The following LRRC4C variants were observed in gnomAD, a reference collection of about 807,000 sequenced individuals.
LRRC4C encodes leucine-rich repeat-containing protein 4C.
Under a neutral mutation model 33.6 loss-of-function variants are expected in LRRC4C, and 5 were observed. The ratio of observed to expected loss-of-function variants is 0.15; its 90% CI spans 0.08 to 0.31. The LOEUF is 0.31. LRRC4C is among the 10% of genes least tolerant of loss of function. The pLI is 1.00. For missense variants in LRRC4C, 560 were observed against 796.7 expected (o/e 0.70, Z 3.58); for synonymous variants, 329 against 302.0 (o/e 1.09, Z -0.93).
intron 2 of LRRC4C, among the ~76,000 whole-genome samples, chr11:40,846,739 T>A (rs572070664): frequency 6.6e-6 from 1 of 152,332 alleles, no homozygotes; most frequent in African/African-American, 2.4e-5. Flanking sequence ...ATCTATAAAT[T>A]ACTTTGGGCA....
intron 4 of LRRC4C, among the ~76,000 whole-genome samples, chr11:40,314,599 C>T (rs1945483386): frequency 6.6e-6 from 1 of 152,094 alleles, no homozygotes; most frequent in Non-Finnish European, 1.5e-5. Flanking sequence ...TCTACATTCC[C>T]TTGCTTATTG....
In LRRC4C at chr11:40,580,058, G is replaced by GGTGTGT. The variant is rs72110597; in HGVS notation, c.-270+68078_-270+68083dup. On this transcript the variant is annotated intron_variant, in intron 3 of 6. Coordinates refer to ENST00000528697, the MANE Select transcript of LRRC4C (RefSeq NM_001258419.2). ...CTGTTTTGTTCAAGGGTACTTTTCA[G>GGTGTGT]GTGTGTGTGTGTGTGTGTGTGTGTG... is the stretch of plus-strand genomic sequence containing the variant. 7.7e-3 allele frequency among the ~76,000 whole-genome samples: 1,125 copies of GGTGTGT among 145,496 alleles called. 20 individuals are homozygous for GGTGTGT. The highest frequency in any genetic ancestry group is 0.025 in the African/African-American group (981 of 38,936).
intron 1 of LRRC4C, among the ~76,000 whole-genome samples, chr11:41,438,074 A>AAATAAT (rs1555171639): frequency 7.2e-5 from 5 of 69,246 alleles, no homozygotes; most frequent in South Asian, 3.8e-4. Flanking sequence ...AATAAATAAT[A>AAATAAT]AAAAAAAATA....
At chr11:40,987,659 T>TC (rs1853140904) in intron 1 of LRRC4C, among the ~76,000 whole-genome samples, 1 of 32,356 alleles carries the variant, frequency 3.1e-5, no homozygotes, top group African/African-American at 1.1e-4. Flanking sequence ...ATATCTCATA[T>TC]ATATGAGATA....
chr11:40,505,535 C>T (rs1035364943), intron 3 of LRRC4C, among the ~76,000 whole-genome samples: 4 of 152,166 alleles, frequency 2.6e-5, no homozygotes, highest in African/African-American at 9.7e-5. Flanking sequence ...TGAACACCCA[C>T]CTCAGTGAAG....
chr11:40,327,360 C>T (rs1392569108), intron 3 of LRRC4C, among the ~76,000 whole-genome samples: 1 of 152,060 alleles, frequency 6.6e-6, no homozygotes, highest in Non-Finnish European at 1.5e-5. Context: ...AATGGGAAAT[C>T]TCAGTGTTTC....
rs184461863 is a variant in LRRC4C, at chr11:40,646,501, C to T, written c.-270+1641G>A. Among the ~76,000 whole-genome samples the T allele has an allele frequency of 3.8e-4, 58 of 152,180 alleles. 1 individual carries two copies. Among genetic ancestry groups the T allele is most frequent in the Middle Eastern group, 3.4e-3 (1 of 294 alleles). ...CCTTTTTTCTCAATAAACAAAAGAG[C>T]CTAAGGAAACAACATCCTTCCCTGT... is the stretch of plus-strand genomic sequence containing the variant. On this transcript the variant is annotated intron_variant, in intron 3 of 6. Coordinates refer to ENST00000528697, the MANE Select transcript of LRRC4C (RefSeq NM_001258419.2).
chr11:40,686,332 C>A (rs535373192), intron 2 of LRRC4C, among the ~76,000 whole-genome samples: 2 of 152,054 alleles, frequency 1.3e-5, no homozygotes, highest in African/African-American at 4.8e-5. Flanking sequence ...ACAGAGGAAG[C>A]TCAGTGTGTG....
At chr11:40,798,135 A>G (rs945148047) in intron 2 of LRRC4C, among the ~76,000 whole-genome samples, 1 of 152,206 alleles carries the variant, frequency 6.6e-6, no homozygotes, top group Non-Finnish European at 1.5e-5. Context: ...GGGCTGGAGC[A>G]GAGGTCTGCA....
rs192111065 is a variant in LRRC4C, at chr11:41,301,663, T to A, written c.-496+157768A>T. On this transcript the variant is annotated intron_variant, in intron 1 of 6. Coordinates refer to ENST00000528697, the MANE Select transcript of LRRC4C (RefSeq NM_001258419.2). ...GATGCTATTTCTGTCAGATATTAAA[T>A]AATTTTCTTATAATTCCATCTTTTT... Among the ~76,000 whole-genome samples, 233 of 152,300 alleles carry A rather than the reference T, an allele frequency of 1.5e-3. 1 individual carries two copies. Among genetic ancestry groups the A allele is most frequent in the African/African-American group, 5.5e-3 (228 of 41,566 alleles).
At chr11:40,385,670 C>T (rs1949078454) in intron 3 of LRRC4C, among the ~76,000 whole-genome samples, 1 of 151,794 alleles carries the variant, frequency 6.6e-6, no homozygotes, top group Admixed American at 6.6e-5. Context: ...AGATCGAGAC[C>T]ATCCTGGCCA....
chr11:40,574,764 A>G (rs544972041), intron 3 of LRRC4C, among the ~76,000 whole-genome samples: 2 of 152,144 alleles, frequency 1.3e-5, no homozygotes, highest in Non-Finnish European at 2.9e-5. Context: ...AACAGGAGAC[A>G]TATGCATAGG....
chr11:40,629,391 C>T (rs1963259483), intron 3 of LRRC4C, among the ~76,000 whole-genome samples: 1 of 151,996 alleles, frequency 6.6e-6, no homozygotes, highest in African/African-American at 2.4e-5. Flanking sequence ...CATAATTGTC[C>T]AAACTGGATT....
intron 3 of LRRC4C, among the ~76,000 whole-genome samples, chr11:40,509,074 A>C (rs957221398): frequency 1.3e-5 from 2 of 152,162 alleles, no homozygotes; most frequent in African/African-American, 4.8e-5. Flanking sequence ...TCCCTTTCTG[A>C]TCACATATAT....
At chr11:41,149,988 G>A (rs999596164) in intron 1 of LRRC4C, among the ~76,000 whole-genome samples, 2 of 152,084 alleles carry the variant, frequency 1.3e-5, no homozygotes, top group Admixed American at 6.6e-5. Flanking sequence ...ATTTATCTGC[G>A]TAGTTCTCAA....
rs543927686 is a variant in LRRC4C, at chr11:40,727,206, T to C, written c.-406-78928A>G. On this transcript the variant is annotated intron_variant, in intron 2 of 6. Transcript: ENST00000528697. Reference sequence around the variant, plus strand: ...AGTAACTAAAACAGCATGATATGGGTACAAAACTAGACACTTAGACCAATG... The same window carrying C: ...AGTAACTAAAACAGCATGATATGGGCACAAAACTAGACACTTAGACCAATG... 7.2e-5 allele frequency among the ~76,000 whole-genome samples: 11 copies of C among 152,094 alleles called. No individual in the cohort carries two copies. The South Asian group carries it at 2.1e-3, about 29-fold the overall frequency.
At chr11:41,228,551 G>C (rs1947645048) in intron 1 of LRRC4C, among the ~76,000 whole-genome samples, 1 of 151,986 alleles carries the variant, frequency 6.6e-6, no homozygotes, top group African/African-American at 2.4e-5. Context: ...TTTTCTGTTT[G>C]TGTGAGTTTG....
At chr11:40,696,020 G>T (rs1945483908) in intron 2 of LRRC4C, among the ~76,000 whole-genome samples, 1 of 143,990 alleles carries the variant, frequency 6.9e-6, no homozygotes, top group African/African-American at 2.7e-5. Context: ...ATATATATGT[G>T]GTGTGTGTGT....
At chr11:41,080,965 T>A (rs1381576) in intron 1 of LRRC4C, among the ~76,000 whole-genome samples, 148,005 of 152,248 alleles carry the variant, frequency 0.97, 72,102 homozygotes, top group East Asian at 1. Context: ...AATGTCTATG[T>A]GTGTAAACTA....
Sources: gnomAD v4.1 joint callset for allele counts (sites outside exome capture counted in the v4.1 genomes callset) on GRCh38, gnomAD v4.1.1 for gene constraint, MANE v1.5 for transcripts, NCBI Gene and HGNC (gene_info 2026-07-23, HGNC 2026-07-21) for gene names.